Variants in C7orf78 observed in about 807,000 individuals in gnomAD.
C7orf78 encodes the protein putative uncharacterized protein C7orf78.
chr7:12,517,309 T>C, the C7orf78 span, among the ~76,000 whole-genome samples: 1 of 152,288 alleles, frequency 6.6e-6, no homozygotes, highest in African/African-American at 2.4e-5. Context: ...CCCACCATGA[T>C]TCTGAGGCCT....
At chr7:12,532,335 G>T in the C7orf78 span, among the ~76,000 whole-genome samples, 3 of 152,074 alleles carry the variant, frequency 2.0e-5, no homozygotes, top group Non-Finnish European at 4.4e-5. Flanking sequence ...GAATCACGAG[G>T]TCTGGAGTTC....
the C7orf78 span, among the ~76,000 whole-genome samples, chr7:12,512,360 C>T: frequency 7.2e-5 from 11 of 151,892 alleles, no homozygotes; most frequent in Non-Finnish European, 7.4e-5. Flanking sequence ...GAGATATGTT[C>T]CTTCAATGCT....
the C7orf78 span, among the ~76,000 whole-genome samples, chr7:12,511,317 T>G: frequency 6.6e-6 from 1 of 152,238 alleles, no homozygotes; most frequent in African/African-American, 2.4e-5. Context: ...ATAGGTAGTG[T>G]GATGTTTACA....
the C7orf78 span, among the ~76,000 whole-genome samples, chr7:12,535,144 G>A: frequency 5.9e-5 from 9 of 152,122 alleles, no homozygotes; most frequent in Non-Finnish European, 1.3e-4. Context: ...CACCAAAATA[G>A]CCAAAATAAG....
the C7orf78 span, among the ~76,000 whole-genome samples, chr7:12,526,166 A>C: frequency 6.6e-6 from 1 of 152,112 alleles, no homozygotes; most frequent in African/African-American, 2.4e-5. Flanking sequence ...TAAGGGAATA[A>C]ACTCTGGAGC....
chr7:12,500,840 T>C, the C7orf78 span, among the ~76,000 whole-genome samples: 3 of 147,814 alleles, frequency 2.0e-5, no homozygotes, highest in African/African-American at 7.7e-5. Context: ...AATAAAATAC[T>C]GGCAAACTGA....
chr7:12,535,129 A>C, the C7orf78 span, among the ~76,000 whole-genome samples: 1 of 152,214 alleles, frequency 6.6e-6, no homozygotes, highest in Non-Finnish European at 1.5e-5. Context: ...CTACTATTGC[A>C]CACCCACCAA....
the C7orf78 span, chr7:12,530,500 C>A: frequency 6.6e-6 from 1 of 152,086 alleles, no homozygotes; most frequent in African/African-American, 2.4e-5. Context: ...AATGTTAACG[C>A]TGGTGAGTTG....
At chr7:12,486,526 A>C in the C7orf78 span, among the ~76,000 whole-genome samples, 2 of 152,034 alleles carry the variant, frequency 1.3e-5, no homozygotes, top group Non-Finnish European at 2.9e-5. Context: ...ACAATGTATT[A>C]AATTTATGTT....
At chr7:12,491,319 CCTT>C in the C7orf78 span, 1 of 152,138 alleles carries the variant, frequency 6.6e-6, no homozygotes, top group Non-Finnish European at 1.5e-5. Flanking sequence ...TCTTTCCACT[CCTT>C]TACGTCAAAA....
the C7orf78 span, among the ~76,000 whole-genome samples, chr7:12,500,801 C>T: frequency 2.0e-5 from 3 of 147,780 alleles, no homozygotes; most frequent in Admixed American, 2.0e-4. Context: ...AGACCAATAG[C>T]CTTGATGAAC....
At chr7:12,491,366 T>C in the C7orf78 span, 1 of 152,320 alleles carries the variant, frequency 6.6e-6, no homozygotes. Flanking sequence ...TTCCTTTGGA[T>C]GTTTTTTAGC....
the C7orf78 span, among the ~76,000 whole-genome samples, chr7:12,493,651 T>G: frequency 6.6e-6 from 1 of 152,334 alleles, no homozygotes; most frequent in Non-Finnish European, 1.5e-5. Flanking sequence ...ACTGGATGGG[T>G]TTGCCTCCTG....
chr7:12,539,321 G>A, the C7orf78 span, among the ~76,000 whole-genome samples: 1,696 of 152,092 alleles, frequency 0.011, 30 homozygotes, highest in African/African-American at 0.039. Flanking sequence ...AAAATTAGCC[G>A]GGCGTGGTGG....
At chr7:12,531,085 A>G in the C7orf78 span, 103 of 398,456 alleles carry the variant, frequency 2.6e-4, 1 homozygote, top group African/African-American at 2.0e-3. Flanking sequence ...AAAGATATGC[A>G]AGAGCAGGTG....
the C7orf78 span, among the ~76,000 whole-genome samples, chr7:12,503,807 C>G: frequency 6.6e-6 from 1 of 152,002 alleles, no homozygotes; most frequent in African/African-American, 2.4e-5. Flanking sequence ...GAGGAATTTT[C>G]CACATAAATT....
At chr7:12,485,030 T>C in the C7orf78 span, among the ~76,000 whole-genome samples, 1 of 152,172 alleles carries the variant, frequency 6.6e-6, no homozygotes, top group Non-Finnish European at 1.5e-5. Context: ...AAAGGAATAA[T>C]AAAGATGAAT....
the C7orf78 span, chr7:12,530,428 G>A: frequency 1.3e-5 from 2 of 152,188 alleles, no homozygotes; most frequent in East Asian, 1.9e-4. Context: ...GAGTCAGGCT[G>A]AAATCGGTAT....
chr7:12,505,223 T>C, the C7orf78 span, among the ~76,000 whole-genome samples: 2 of 152,054 alleles, frequency 1.3e-5, no homozygotes, highest in African/African-American at 4.8e-5. Context: ...TTTTCACAAT[T>C]TGGCAAACAT....
Sources: allele counts gnomAD v4.1 joint callset (sites outside exome capture counted in the v4.1 genomes callset), GRCh38; gene constraint gnomAD v4.1.1; transcripts MANE v1.5; gene names NCBI Gene and HGNC (gene_info 2026-07-23, HGNC 2026-07-21).